Variants in HMCN2 observed in about 807,000 individuals in gnomAD.
HMCN2 encodes the protein hemicentin 2.
HMCN2 carries 325 observed loss-of-function variants against 377.5 expected under a neutral mutation model. The observed-to-expected ratio is 0.86, with a 90% confidence interval of 0.79 to 0.94. The LOEUF (loss-of-function observed/expected upper bound fraction) is 0.94. Ranked by LOEUF, HMCN2 falls within the 40% of genes least tolerant of loss-of-function variation. The pLI is 0.00. For synonymous variants in HMCN2, 2,007 were observed against 2,046.8 expected (o/e 0.98, Z 0.53); for missense variants, 4,543 against 4,725.3 (o/e 0.96, Z 1.13).
rs1554936052 is a variant in HMCN2, at chr9:130,304,860, G to A, written c.1674G>A (p.Pro558=). ...LTWVRDWRVL[P]ASTGRVAQLA... ...GGGTCCGGGACTGGCGAGTCCTGCC[G>A]GCCTCGACGGGCCGAGTTGCCCAGC... is the stretch of plus-strand genomic sequence containing the variant. Residue 558 remains proline, a synonymous_variant, in exon 11 of 98, where the codon CCG becomes CCA. Transcript: ENST00000683500. The surrounding 1 kb of genome is among the most constrained non-coding windows in gnomAD (Gnocchi z 4.3). 8.5e-6 allele frequency: 4 copies of A among 470,950 alleles called. No individual in the cohort carries two copies. The highest frequency in any genetic ancestry group is 1.5e-5 in the South Asian group (1 of 64,566). 29.2% of individuals were successfully genotyped at this position (470,950 alleles called of 1,614,324 possible). A position where few individuals can be genotyped will look rare whatever the true frequency, so the allele number is the denominator to read the frequency against.
At chr9:130,266,182 G>T (rs1222654680) in intron 1 of HMCN2, 45 bp downstream of exon 1, 2 of 436,698 alleles carry the variant, frequency 4.6e-6, no homozygotes, top group Non-Finnish European at 9.1e-6. Context: ...CCTTCGAGGT[G>T]CTCTCACCTG....
chr9:130,287,551 TAAAAAAAAA>T (rs142931668), intron 4 of HMCN2, among the ~76,000 whole-genome samples: 45 of 93,282 alleles, frequency 4.8e-4, no homozygotes, highest in Admixed American at 8.6e-4. Flanking sequence ...AACTCTGTCT[TAAAAAAAAA>T]AAAAAAAAAA....
chr9:130,384,510 GGTGAA>G lies in HMCN2; in HGVS notation c.8970_8974del (p.Glu2991GlyfsTer78). 1 of 1,304,278 alleles carries G rather than the reference GGTGAA, an allele frequency of 7.7e-7. No individual in the cohort carries two copies. The highest frequency in any genetic ancestry group is 1.0e-6 in the Non-Finnish European group (1 of 988,968). 80.8% of individuals were successfully genotyped at this position (1,304,278 alleles called of 1,614,324 possible). On this transcript the variant is annotated frameshift_variant, in exon 58 of 98. Transcript: ENST00000683500. LOFTEE classifies it high-confidence loss of function. Reference sequence around the variant, plus strand: ...CAAGGACAGCCAGGCCCTCTCCCTGGGTGAAGAGGTCTTCCTCCTGCCTGGTGGGT... The same window carrying G: ...CAAGGACAGCCAGGCCCTCTCCCTGGGAGGTCTTCCTCCTGCCTGGTGGGT...
chr9:130,289,341 G>A (rs182592170), intron 4 of HMCN2, among the ~76,000 whole-genome samples: 402 of 152,230 alleles, frequency 2.6e-3, no homozygotes, highest in African/African-American at 8.8e-3. Flanking sequence ...GGCGGAAGAT[G>A]GGGGGGTGAG....
Position 130,360,540 on chromosome 9 carries a change from C to A in HMCN2, c.5886C>A (p.Ser1962Arg), listed in dbSNP as rs61748897. The A allele has an allele frequency of 1.5e-6, 2 of 1,303,940 alleles. No homozygotes were observed. Among genetic ancestry groups the A allele is most frequent in the South Asian group, 2.5e-5 (2 of 81,010 alleles). 80.8% of individuals were successfully genotyped at this position (1,303,940 alleles called of 1,614,324 possible). A position where few individuals can be genotyped will look rare whatever the true frequency, so the allele number is the denominator to read the frequency against. Residue 1962 changes from serine to arginine, a missense_variant, in exon 38 of 98, where the codon AGC becomes AGA. Ser to Arg is a moderately radical substitution (Grantham distance 110, BLOSUM62 -1). Around this residue, in one of 5 missense-constraint regions of HMCN2, gnomAD observed 1,032 missense variants for 1,285.1 expected, o/e 0.80. Coordinates refer to ENST00000683500, the MANE Select transcript of HMCN2 (RefSeq NM_001291815.2). This position sits in a 1 kb window ranked among gnomAD's most constrained non-coding sequence, Gnocchi z 4.7. ...AAGCCCAGCTTTCTGATGCTGGGAG[C>A]TACCGCTGTGTGGCATCCAATGTGG... ...IEQAQLSDAG[S>R]YRCVASNVAG...
rs117222292 is a variant in HMCN2 at position 130,403,688 on chromosome 9, G to A, written c.12014-53G>A. The A allele has an allele frequency of 4.5e-4, 572 of 1,277,950 alleles. 6 individuals are homozygous for A. In the East Asian group the frequency reaches 0.027, roughly 61 times the overall value. The allele number at this position is 1,277,950 out of a possible 1,614,324, so 79.2% of individuals were successfully genotyped here. A position where few individuals can be genotyped will look rare whatever the true frequency, so the allele number is the denominator to read the frequency against. On this transcript the variant is annotated intron_variant, in intron 79 of 97. Coordinates refer to ENST00000683500, the MANE Select transcript of HMCN2 (RefSeq NM_001291815.2). ...CAGAATAGCCCAATCTGCCCACCTCGGGGGTCCCCAGTCCCAGTTCCCAGG... is the reference window on the plus strand; with the variant it reads ...CAGAATAGCCCAATCTGCCCACCTCAGGGGTCCCCAGTCCCAGTTCCCAGG...
intron 61 of HMCN2, among the ~76,000 whole-genome samples, chr9:130,387,894 T>C (rs570389932): frequency 6.6e-6 from 1 of 152,244 alleles, no homozygotes; most frequent in South Asian, 2.1e-4. Context: ...CTGGGCGACA[T>C]AGTGAGAAGC....
At chr9:130,353,618 G>A (rs1287367826) in intron 31 of HMCN2, among the ~76,000 whole-genome samples, 1 of 152,254 alleles carries the variant, frequency 6.6e-6, no homozygotes, top group Non-Finnish European at 1.5e-5. Context: ...AGGGACTTGA[G>A]CTCTCATGTC....
At position 130,286,062 on chromosome 9, in the gene HMCN2, C is replaced by T. The variant is rs1564747842; in HGVS notation, c.490-126C>T. 4 of 394,876 alleles carry T rather than the reference C, an allele frequency of 1.0e-5. No individual in the cohort carries two copies. The East Asian group carries it at 2.9e-4, about 29-fold the overall frequency. The allele number at this position is 394,876 out of a possible 1,614,324, so 24.5% of individuals were successfully genotyped here. ...TTCTATTCATGTGTCATATGTCATT[C>T]TATACATGTGACAGACAGAGGAGAG... On this transcript the variant is annotated intron_variant, in intron 3 of 97. Coordinates refer to ENST00000683500, the MANE Select transcript of HMCN2 (RefSeq NM_001291815.2).
intron 46 of HMCN2, 134 bp downstream of exon 46, chr9:130,371,265 C>T (rs1002872677): frequency 5.4e-6 from 2 of 370,058 alleles, no homozygotes; most frequent in Non-Finnish European, 7.5e-6. Context: ...GCTGCTGGTC[C>T]CCAAAGAATG....
intron 4 of HMCN2, among the ~76,000 whole-genome samples, chr9:130,292,635 T>C (rs1413565613): frequency 6.6e-6 from 1 of 152,232 alleles, no homozygotes; most frequent in African/African-American, 2.4e-5. Flanking sequence ...GCACATGGAT[T>C]ATATTATTCA....
chr9:130,274,257 T>C (rs1196307177), intron 1 of HMCN2, among the ~76,000 whole-genome samples: 3 of 152,100 alleles, frequency 2.0e-5, no homozygotes, highest in Non-Finnish European at 4.4e-5. Context: ...TTTCACTATA[T>C]GTTGGCTAGG....
At chr9:130,328,121 C>T (rs1222493523) in intron 22 of HMCN2, among the ~76,000 whole-genome samples, 4 of 152,212 alleles carry the variant, frequency 2.6e-5, no homozygotes, top group Admixed American at 2.6e-4. Flanking sequence ...GGTCTCGGAG[C>T]AGCCTGCCCT....
chr9:130,383,831 A>G (rs1439898933), intron 57 of HMCN2, among the ~76,000 whole-genome samples: 11 of 152,254 alleles, frequency 7.2e-5, no homozygotes, highest in South Asian at 2.1e-4. Context: ...TACCACCACC[A>G]TTACTGAGCA....
In HMCN2 at chr9:130,422,480, C is replaced by T; in HGVS notation, c.13232-97C>T. ...AGTGGAGGTGAACTCTCCGAGCCTC[C>T]ATTTACTCCTTCACGAAATGGGAAT... On this transcript the variant is annotated intron_variant, in intron 86 of 97. Transcript: ENST00000683500. This position sits in a 1 kb window ranked among gnomAD's most constrained non-coding sequence, Gnocchi z 4.2. 4.1e-6 allele frequency: 4 copies of T among 983,052 alleles called. No individual in the cohort carries two copies. Among genetic ancestry groups the T allele is most frequent in the Non-Finnish European group, 5.3e-6 (4 of 749,082 alleles). 60.9% of individuals were successfully genotyped at this position (983,052 alleles called of 1,614,324 possible).
Position 130,360,707 on chromosome 9 carries a change from AC to A in HMCN2, c.5950+105del. The A allele has an allele frequency of 1.8e-6, 1 of 569,220 alleles. No individual in the cohort carries two copies. The highest frequency in any genetic ancestry group is 2.7e-6 in the Non-Finnish European group (1 of 371,500). The allele number at this position is 569,220 out of a possible 1,614,324, so 35.3% of individuals were successfully genotyped here. A position where few individuals can be genotyped will look rare whatever the true frequency, so the allele number is the denominator to read the frequency against. ...CACCTGTCCACTCATCCATCCATCT[AC>A]CACCCCATCCATCCGTTACCCCATC... On this transcript the variant is annotated intron_variant, in intron 38 of 97. Transcript: ENST00000683500. This position sits in a 1 kb window ranked among gnomAD's most constrained non-coding sequence, Gnocchi z 4.7.
rs1416688828 is a variant in HMCN2, at chr9:130,303,319, A to T, written c.1422-168A>T. ...GAGGAAGGGCCTGACTCCAAGTCAC[A>T]CAGCATGTCATGGAATTTCCATGTG... On this transcript the variant is annotated intron_variant, in intron 9 of 97. Coordinates refer to ENST00000683500, the MANE Select transcript of HMCN2 (RefSeq NM_001291815.2). The surrounding 1 kb of genome is among the most constrained non-coding windows in gnomAD (Gnocchi z 5.2). Among the ~76,000 whole-genome samples, 4 of 152,334 alleles carry T rather than the reference A, an allele frequency of 2.6e-5. No individual in the cohort carries two copies. The highest frequency in any genetic ancestry group is 5.9e-5 in the Non-Finnish European group (4 of 68,024).
In HMCN2 at chr9:130,360,475, G is replaced by A. The variant is rs1267490262; in HGVS notation, c.5821G>A (p.Val1941Met). The change falls in exon 38 of 98, where the codon GTG becomes ATG. Residue 1941 changes from valine (V) to methionine (M), a missense_variant. Val to Met is a conservative substitution (Grantham distance 21). Around this residue, in one of 5 missense-constraint regions of HMCN2, gnomAD observed 1,032 missense variants for 1,285.1 expected, o/e 0.80. Transcript: ENST00000683500. This position sits in a 1 kb window ranked among gnomAD's most constrained non-coding sequence, Gnocchi z 4.7. The part of the protein sequence containing the change: ...GHQPVSSWMG[V>M]TVSVDGRVLR... ...CCAACCTGTCTCTTCATGGATGGGA[G>A]TGACAGTATCAGTGGATGGGAGAGT... is the stretch of plus-strand genomic sequence containing the variant. The A allele has an allele frequency of 9.2e-6, 12 of 1,303,948 alleles. No homozygotes were observed. The highest frequency in any genetic ancestry group is 1.2e-5 in the South Asian group (1 of 81,004). The allele number at this position is 1,303,948 out of a possible 1,614,324, so 80.8% of individuals were successfully genotyped here.
rs1158383092 is a variant in HMCN2, at chr9:130,433,483, C to G, written c.15030C>G (p.Gly5010=). Residue 5010 remains glycine (G), a synonymous_variant, in exon 98 of 98, where the codon GGC becomes GGG. Coordinates refer to ENST00000683500, the MANE Select transcript of HMCN2 (RefSeq NM_001291815.2). ...GCCTCACCGCCTTCTCCGAGGTCGG[C>G]GTCCCCGCCAACCGCACCGAGCTCA... The part of the protein sequence containing the change: ...VARLTAFSEV[G]VPANRTELSM... 9 of 1,499,164 alleles carry G rather than the reference C, an allele frequency of 6.0e-6. No individual in the cohort carries two copies. The East Asian group carries it at 2.2e-4, about 37-fold the overall frequency. The allele number at this position is 1,499,164 out of a possible 1,614,324, so 92.9% of individuals were successfully genotyped here.
Sources: allele counts gnomAD v4.1 joint callset (sites outside exome capture counted in the v4.1 genomes callset), GRCh38; gene constraint gnomAD v4.1.1; regional missense constraint gnomAD v4.1.1; non-coding constraint Gnocchi (gnomAD v3.1); transcripts MANE v1.5; gene names NCBI Gene and HGNC (gene_info 2026-07-23, HGNC 2026-07-21).